The following NCKAP1 variants were observed in gnomAD, a reference collection of about 807,000 sequenced individuals.
NCKAP1 encodes the protein NCK associated protein 1.
A neutral mutation model predicts 151.2 loss-of-function variants in NCKAP1; 21 were observed. That is an observed-to-expected ratio of 0.14 (90% CI 0.10 to 0.20). NCKAP1 has a LOEUF of 0.20. Among genes scored for constraint, NCKAP1 ranks in the 10% least tolerant of loss-of-function variants. The pLI is 1.00. For missense variants in NCKAP1, 933 were observed against 1,352.1 expected (o/e 0.69, Z 4.86); for synonymous variants, 484 against 451.8 (o/e 1.07, Z -0.90).
intron 2 of NCKAP1, among the ~76,000 whole-genome samples, chr2:183,018,989 T>C (rs977976223): frequency 2.0e-5 from 3 of 152,234 alleles, no homozygotes; most frequent in Non-Finnish European, 4.4e-5. Flanking sequence ...TATAATTCTA[T>C]GTTCCTTGGG....
At chr2:182,985,738 G>C (rs1001206127) in intron 10 of NCKAP1, among the ~76,000 whole-genome samples, 2 of 150,468 alleles carry the variant, frequency 1.3e-5, no homozygotes, top group African/African-American at 4.9e-5. Context: ...GGGAGGTGGA[G>C]ACTGCAGTGA....
intron 27 of NCKAP1, among the ~76,000 whole-genome samples, chr2:182,929,697 T>C (rs1265197175): frequency 6.6e-6 from 1 of 150,688 alleles, no homozygotes; most frequent in African/African-American, 2.4e-5. Flanking sequence ...GTAATAATTA[T>C]AATTATCCAT....
rs188627609 is a variant in NCKAP1, at chr2:183,000,371, C to A, written c.603+1582G>T. On this transcript the variant is annotated intron_variant, in intron 6 of 30. Coordinates refer to ENST00000361354, the MANE Select transcript of NCKAP1 (RefSeq NM_013436.5). ...GAGCCTAGCTTGGAATTTTCAAGAG[C>A]CTGTCAAGGAAATTTTCAACACCTA... 2.0e-5 allele frequency among the ~76,000 whole-genome samples: 3 copies of A among 152,086 alleles called. 1 individual carries two copies. In the East Asian group the frequency reaches 5.8e-4, roughly 30 times the overall value.
rs967676798 is a variant in NCKAP1, at chr2:182,957,561, T to C, written c.1917A>G (p.Gln639=). ...LPKHCAKTIS[Q]AVNKKSKKQT... is the part of the protein sequence containing the mutation. ...GCTTTTTTGATTTCTTATTCACTGC[T>C]TGACTGATAGTTTTGGCACAATGCT... The change falls in exon 19 of 31, where the codon CAA becomes CAG. Residue 639 remains glutamine (Q), a synonymous_variant. Transcript: ENST00000361354. 6.2e-7 allele frequency: 1 copy of C among 1,613,734 alleles called. No homozygotes were observed. Among genetic ancestry groups the C allele is most frequent in the Non-Finnish European group, 8.5e-7 (1 of 1,179,898 alleles).
At chr2:183,000,715 T>C (rs1008514600) in intron 6 of NCKAP1, among the ~76,000 whole-genome samples, 2 of 152,172 alleles carry the variant, frequency 1.3e-5, no homozygotes, top group African/African-American at 2.4e-5. Flanking sequence ...AATGTAGCTA[T>C]GCAAATCTGG....
intron 18 of NCKAP1, among the ~76,000 whole-genome samples, chr2:182,957,930 A>ATT (rs1003059864): frequency 1.1e-4 from 16 of 152,210 alleles, no homozygotes; most frequent in African/African-American, 3.9e-4. Flanking sequence ...CACTGGAAGG[A>ATT]TTAAATGGCC....
At chr2:182,993,844 T>C (rs569743186) in intron 8 of NCKAP1, among the ~76,000 whole-genome samples, 2 of 152,300 alleles carry the variant, frequency 1.3e-5, no homozygotes, top group South Asian at 4.1e-4. Flanking sequence ...TGCACATGTA[T>C]GCATGAACCT....
intron 2 of NCKAP1, chr2:183,023,065 G>C (rs1285550977): frequency 6.6e-6 from 1 of 151,972 alleles, no homozygotes; most frequent in Non-Finnish European, 1.5e-5. Context: ...AGCAAAAGAG[G>C]CAGCAAAGAT....
At chr2:182,964,928 G>T in intron 16 of NCKAP1, 120 bp from the exon 17 acceptor site, 1 of 664,346 alleles carries the variant, frequency 1.5e-6, no homozygotes, top group Non-Finnish European at 2.3e-6. Context: ...GATTTAAGAA[G>T]AGAATATTTT....
chr2:183,008,791 A>G (rs895823685), intron 2 of NCKAP1, among the ~76,000 whole-genome samples: 1 of 152,214 alleles, frequency 6.6e-6, no homozygotes, highest in Admixed American at 6.5e-5. Flanking sequence ...TAAAATCCCC[A>G]AAGTTGGGTA....
chr2:183,030,042 A>G (rs934097570), intron 1 of NCKAP1, among the ~76,000 whole-genome samples: 1 of 152,194 alleles, frequency 6.6e-6, no homozygotes, highest in Admixed American at 6.5e-5. Context: ...GGACCTACAG[A>G]GAAATTCATA....
At position 182,917,035 on chromosome 2, in the gene NCKAP1, A is replaced by C. The variant is rs1696478953; in HGVS notation, c.*8667T>G. 6.6e-6 allele frequency: 1 copy of C among 152,202 alleles called. No homozygotes were observed. The highest frequency in any genetic ancestry group is 1.5e-5 in the Non-Finnish European group (1 of 68,032). The allele number at this position is 152,202 out of a possible 1,614,324, so 9.4% of individuals were successfully genotyped here. On this transcript the variant is annotated 3_prime_UTR_variant, in exon 31 of 31. Coordinates refer to ENST00000361354, the MANE Select transcript of NCKAP1 (RefSeq NM_013436.5). Reference sequence around the variant, plus strand: ...ATAAGTGAAACCAAATAGCCTAATAATACTGGAGAAACTACCACCATTTAC... The same window carrying C: ...ATAAGTGAAACCAAATAGCCTAATACTACTGGAGAAACTACCACCATTTAC...
At chr2:182,930,896 C>T in intron 26 of NCKAP1, 108 bp from the exon 27 acceptor site, 1 of 898,412 alleles carries the variant, frequency 1.1e-6, no homozygotes, top group Non-Finnish European at 1.7e-6. Context: ...ATTTCGGAAA[C>T]TTGGCTGAAG....
intron 18 of NCKAP1, 56 bp from the exon 19 acceptor site, chr2:182,957,652 T>C: frequency 6.4e-7 from 1 of 1,551,904 alleles, no homozygotes; most frequent in Non-Finnish European, 8.7e-7. Context: ...GAAAGCATAC[T>C]AACTATTCAA....
chr2:183,016,219 G>A (rs1410679017), intron 2 of NCKAP1, among the ~76,000 whole-genome samples: 1 of 152,116 alleles, frequency 6.6e-6, no homozygotes. Flanking sequence ...ATGTATTCAT[G>A]TTCTTTGGGC....
chr2:182,937,207 A>G (rs1696895958), intron 24 of NCKAP1, among the ~76,000 whole-genome samples: 1 of 150,618 alleles, frequency 6.6e-6, no homozygotes, highest in Non-Finnish European at 1.5e-5. Context: ...TTTCCAAAGT[A>G]TGTTACCCAG....
At chr2:183,022,438 C>G (rs1157043510) in intron 2 of NCKAP1, among the ~76,000 whole-genome samples, 1 of 152,130 alleles carries the variant, frequency 6.6e-6, no homozygotes, top group Non-Finnish European at 1.5e-5. Flanking sequence ...TTTTGAATCA[C>G]CTATTTTGCA....
In NCKAP1 at chr2:182,924,416, A is replaced by G. The variant is rs1332708653; in HGVS notation, c.*1286T>C. 6.6e-6 allele frequency: 1 copy of G among 152,186 alleles called. No individual in the cohort carries two copies. Among genetic ancestry groups the G allele is most frequent in the Non-Finnish European group, 1.5e-5 (1 of 68,034 alleles). The allele number at this position is 152,186 out of a possible 1,614,324, so 9.4% of individuals were successfully genotyped here. A position where few individuals can be genotyped will look rare whatever the true frequency, so the allele number is the denominator to read the frequency against. ...AAGCTGCTGAGAAACAGCCTCAACA[A>G]TGCCAATCAAAGAGCAAAACATTGG... On this transcript the variant is annotated 3_prime_UTR_variant, in exon 31 of 31. Transcript: ENST00000361354.
intron 13 of NCKAP1, 71 bp from the exon 14 acceptor site, chr2:182,978,986 G>T: frequency 9.9e-7 from 1 of 1,012,636 alleles, no homozygotes; most frequent in Non-Finnish European, 1.5e-6. Context: ...ATCAATTAGT[G>T]GACGGATAAA....
Sources: gnomAD v4.1 joint callset for allele counts (sites outside exome capture counted in the v4.1 genomes callset) on GRCh38, gnomAD v4.1.1 for gene constraint, MANE v1.5 for transcripts, NCBI Gene and HGNC (gene_info 2026-07-23, HGNC 2026-07-21) for gene names.